Variants in TUSC3 observed in about 807,000 individuals in gnomAD.
The protein encoded by TUSC3 is tumor suppressor candidate 3.
In TUSC3, 45 loss-of-function variants were observed where a neutral mutation model predicts 44.8. The ratio of observed to expected loss-of-function variants is 1.00; its 90% CI spans 0.79 to 1.29. The LOEUF (loss-of-function observed/expected upper bound fraction) is 1.29. Ranked by LOEUF, TUSC3 falls within the 50% of genes most tolerant of loss-of-function variation. The pLI is 0.00. For synonymous variants in TUSC3, 212 were observed against 152.9 expected (o/e 1.39, Z -2.85); for missense variants, 519 against 437.9 (o/e 1.19, Z -1.65).
At chr8:15,452,546 G>C (rs973360938) in intron 1 of TUSC3, among the ~76,000 whole-genome samples, 1 of 152,156 alleles carries the variant, frequency 6.6e-6, no homozygotes, top group East Asian at 1.9e-4. Flanking sequence ...GCCCTAATTA[G>C]GGAAGAGGAG....
At chr8:15,833,544 G>A in the TUSC3 span, among the ~76,000 whole-genome samples, 2 of 152,086 alleles carry the variant, frequency 1.3e-5, no homozygotes, top group African/African-American at 4.8e-5. Context: ...GCAGGAAGAT[G>A]GACGGAGCTG....
intron 8 of TUSC3, among the ~76,000 whole-genome samples, chr8:15,746,234 A>G (rs544352974): frequency 2.0e-5 from 3 of 152,184 alleles, no homozygotes; most frequent in South Asian, 2.1e-4. Flanking sequence ...ATGATACTCA[A>G]TTTATTAAAT....
the TUSC3 span, among the ~76,000 whole-genome samples, chr8:15,813,880 A>G: frequency 6.6e-6 from 1 of 152,240 alleles, no homozygotes; most frequent in Non-Finnish European, 1.5e-5. Flanking sequence ...CAGTCTTCAC[A>G]GCCAGTCTGC....
intron 2 of TUSC3, among the ~76,000 whole-genome samples, chr8:15,648,756 A>AAAAAAAAAC (rs71211067): frequency 7.4e-6 from 1 of 135,838 alleles, no homozygotes; most frequent in African/African-American, 2.9e-5. Context: ...AAAAAAAAAA[A>AAAAAAAAAC]GACATCTCCT....
chr8:15,788,054 C>T, the TUSC3 span, among the ~76,000 whole-genome samples: 2 of 152,100 alleles, frequency 1.3e-5, no homozygotes, highest in African/African-American at 4.8e-5. Context: ...CTGACCTGCC[C>T]CCTGTCCCTC....
intron 1 of TUSC3, among the ~76,000 whole-genome samples, chr8:15,550,604 A>C (rs1401743800): frequency 2.0e-5 from 3 of 151,358 alleles, no homozygotes; most frequent in Non-Finnish European, 4.4e-5. Context: ...CGCCACTTTC[A>C]TACTGTTTCA....
chr8:15,538,655 A>G (rs2129131711), upstream of TUSC3, among the ~76,000 whole-genome samples: 1 of 152,226 alleles, frequency 6.6e-6, no homozygotes, highest in South Asian at 2.1e-4. Flanking sequence ...AAAAAATCGT[A>G]ACTTTATGTC....
At chr8:15,690,483 G>A (rs1032315160) in intron 6 of TUSC3, among the ~76,000 whole-genome samples, 10 of 152,022 alleles carry the variant, frequency 6.6e-5, no homozygotes, top group Admixed American at 5.9e-4. Context: ...TTCTTCTGGT[G>A]TGCAGAAACT....
the TUSC3 span, among the ~76,000 whole-genome samples, chr8:15,787,620 G>A: frequency 6.6e-6 from 1 of 152,098 alleles, no homozygotes; most frequent in Admixed American, 6.6e-5. Context: ...ATGATATATG[G>A]TTCCAAAAGA....
In TUSC3 at chr8:15,659,519, T is replaced by G; in HGVS notation, c.439T>G (p.Ser147Ala). ...TCATGTTTTACAGCTCAACATGAAC[T>G]CTGCTCCTACATTCATGCATTTTCC... ...TDVFQQLNMNSAPTFMHFPPK... is the reference protein window; with the variant it reads ...TDVFQQLNMNAAPTFMHFPPK... The change falls in exon 4 of 11, where the codon TCT becomes GCT. Residue 147 changes from serine (S) to alanine (A), a missense_variant. By Grantham distance (99) the Ser-to-Ala change is moderately conservative. Transcript: ENST00000503731. The G allele has an allele frequency of 6.2e-7, 1 of 1,612,822 alleles. No homozygotes were observed. Among genetic ancestry groups the G allele is most frequent in the Non-Finnish European group, 8.5e-7 (1 of 1,179,574 alleles).
rs1172225819 is a variant in TUSC3, at chr8:15,468,916, T to TA, written n.92-14459dup. On this transcript the variant is annotated intron_variant and non_coding_transcript_variant, in intron 1 of 5. Coordinates refer to the TUSC3 transcript ENST00000503191. ...ATCTGAGTTAAGAGTGCAGACAGAT[T>TA]AAAAAAAAAAACCCAGGTGCTGACT... Among the ~76,000 whole-genome samples, 581 of 144,700 alleles carry TA rather than the reference T, an allele frequency of 4.0e-3. 3 individuals are homozygous for TA. Among genetic ancestry groups the TA allele is most frequent in the Middle Eastern group, 0.017 (5 of 286 alleles). The allele number at this position is 144,700 out of a possible 152,430, so 94.9% of individuals were successfully genotyped here.
At chr8:15,566,616 T>G (rs1433099267) in intron 1 of TUSC3, among the ~76,000 whole-genome samples, 1 of 150,720 alleles carries the variant, frequency 6.6e-6, no homozygotes, top group Non-Finnish European at 1.5e-5. Context: ...TTTGTTGTTG[T>G]TGTTGTTGTT....
chr8:15,788,338 G>A, the TUSC3 span, among the ~76,000 whole-genome samples: 1 of 152,070 alleles, frequency 6.6e-6, no homozygotes, highest in Non-Finnish European at 1.5e-5. Context: ...CTTAAGGTCA[G>A]GAGTTTCAGA....
At chr8:15,440,253 CAACACATGCA>C (rs757004764) in intron 1 of TUSC3, among the ~76,000 whole-genome samples, 5 of 152,126 alleles carry the variant, frequency 3.3e-5, no homozygotes, top group Non-Finnish European at 5.9e-5. Flanking sequence ...GCAGTGGAAA[CAACACATGCA>C]AAGTCCCTGT....
chr8:15,434,167 A>G (rs1285211409), intron 1 of TUSC3, among the ~76,000 whole-genome samples: 1 of 152,150 alleles, frequency 6.6e-6, no homozygotes, highest in Non-Finnish European at 1.5e-5. Context: ...GTGTAATGGT[A>G]CTTCATGGTA....
the TUSC3 span, among the ~76,000 whole-genome samples, chr8:15,821,676 C>T: frequency 6.6e-6 from 1 of 151,974 alleles, no homozygotes; most frequent in East Asian, 1.9e-4. Flanking sequence ...AAGCAAACAC[C>T]CTAAGCCAGG....
At chr8:15,542,703 A>C (rs1052153003) in intron 1 of TUSC3, among the ~76,000 whole-genome samples, 7 of 152,172 alleles carry the variant, frequency 4.6e-5, no homozygotes, top group Non-Finnish European at 1.0e-4. Context: ...TTTCTATTAA[A>C]ATTTTTTCTC....
At chr8:15,566,036 T>A (rs138691666) in intron 1 of TUSC3, among the ~76,000 whole-genome samples, 1 of 152,158 alleles carries the variant, frequency 6.6e-6, no homozygotes, top group Non-Finnish European at 1.5e-5. Context: ...CACACCTGAT[T>A]CAGAGTAGTA....
chr8:15,568,355 CAGGGAG>C (rs1480029396), intron 1 of TUSC3, among the ~76,000 whole-genome samples: 1 of 152,122 alleles, frequency 6.6e-6, no homozygotes, highest in Non-Finnish European at 1.5e-5. Flanking sequence ...TTGTTGCCCT[CAGGGAG>C]CTTCTATAGC....
Sources: gnomAD v4.1 joint callset for allele counts (sites outside exome capture counted in the v4.1 genomes callset) on GRCh38, gnomAD v4.1.1 for gene constraint, MANE v1.5 for transcripts, NCBI Gene and HGNC (gene_info 2026-07-23, HGNC 2026-07-21) for gene names.